Variants in KLHL29 observed in about 807,000 individuals in gnomAD.
KLHL29 encodes the protein kelch like family member 29.
KLHL29 carries 21 observed loss-of-function variants against 80.4 expected under a neutral mutation model. The observed-to-expected ratio is 0.26, with a 90% CI of 0.19 to 0.38. The LOEUF is 0.38. KLHL29 is among the 10% of genes least tolerant of loss of function. The pLI, the probability that KLHL29 is intolerant of heterozygous loss-of-function variation, is 1.00. For synonymous variants in KLHL29, 511 were observed against 526.8 expected (o/e 0.97, Z 0.41); for missense variants, 867 against 1,223.9 (o/e 0.71, Z 4.35).
chr2:23,665,783 G>A (rs538848475), intron 5 of KLHL29, among the ~76,000 whole-genome samples: 24 of 152,090 alleles, frequency 1.6e-4, no homozygotes, highest in Admixed American at 2.6e-4. Context: ...GCTAATAGAC[G>A]GAGAGGCCTC....
At chr2:23,392,877 G>GA (rs1666353682) in intron 1 of KLHL29, among the ~76,000 whole-genome samples, 1 of 152,192 alleles carries the variant, frequency 6.6e-6, no homozygotes, top group Non-Finnish European at 1.5e-5. Context: ...CTAGTAGAAG[G>GA]AATGTGAGCT....
At chr2:23,673,607 C>T (rs2149178338) in intron 5 of KLHL29, among the ~76,000 whole-genome samples, 1 of 149,218 alleles carries the variant, frequency 6.7e-6, no homozygotes, top group East Asian at 2.0e-4. Flanking sequence ...GCATACACAC[C>T]CATACCACCT....
intron 3 of KLHL29, among the ~76,000 whole-genome samples, chr2:23,597,914 C>T (rs913350364): frequency 1.3e-5 from 2 of 152,182 alleles, no homozygotes; most frequent in Admixed American, 1.3e-4. Flanking sequence ...TGGTCCCCCT[C>T]ACTCCTCCAT....
chr2:23,682,580 CTG>C lies in KLHL29; in HGVS notation c.941-1817_941-1816del, dbSNP rs1671117029. 6.6e-6 allele frequency among the ~76,000 whole-genome samples: 1 copy of C among 152,212 alleles called. No homozygotes were observed. Among genetic ancestry groups the C allele is most frequent in the South Asian group, 2.1e-4 (1 of 4,836 alleles). ...ATGAAGCTGGAGCTCCCAGGCAAGACTGTTGCGATCTGGCCCCGCCCACCGCC... is the reference window on the plus strand; with the variant it reads ...ATGAAGCTGGAGCTCCCAGGCAAGACTTGCGATCTGGCCCCGCCCACCGCC... On this transcript the variant is annotated intron_variant, in intron 5 of 13. Coordinates refer to ENST00000486442, the MANE Select transcript of KLHL29 (RefSeq NM_052920.2). The surrounding 1 kb of genome is among the most constrained non-coding windows in gnomAD (Gnocchi z 4.1).
At chr2:23,613,647 C>T (rs942329902) in intron 3 of KLHL29, among the ~76,000 whole-genome samples, 5 of 151,482 alleles carry the variant, frequency 3.3e-5, no homozygotes, top group Admixed American at 6.6e-5. Flanking sequence ...GCCTGTAATC[C>T]CAGCTACTCG....
At position 23,549,500 on chromosome 2, in the gene KLHL29, T is replaced by C. The variant is rs1180710985; in HGVS notation, c.-45-12652T>C. On this transcript the variant is annotated intron_variant, in intron 2 of 13. Coordinates refer to ENST00000486442, the MANE Select transcript of KLHL29 (RefSeq NM_052920.2). ...TTAAATTAAATTAAAAACACGGACA[T>C]AGAATAAAGACGATGAAAATCTGAA... is the stretch of plus-strand genomic sequence containing the variant. Among the ~76,000 whole-genome samples the C allele has an allele frequency of 5.3e-5, 8 of 151,348 alleles. No homozygotes were observed. The East Asian group carries it at 1.6e-3, about 30-fold the overall frequency.
chr2:23,425,452 G>C (rs1243004386), intron 1 of KLHL29, among the ~76,000 whole-genome samples: 1 of 152,232 alleles, frequency 6.6e-6, no homozygotes, highest in Non-Finnish European at 1.5e-5. Flanking sequence ...GGGCCGGCCA[G>C]ACCAGGGTCC....
chr2:23,624,375 T>C lies in KLHL29; in HGVS notation c.286-14764T>C, dbSNP rs117359484. Among the ~76,000 whole-genome samples the C allele has an allele frequency of 8.3e-4, 127 of 152,222 alleles. 1 individual carries two copies. The East Asian group carries it at 0.02, about 24-fold the overall frequency. On this transcript the variant is annotated intron_variant, in intron 3 of 13. Transcript: ENST00000486442. ...CTTCAGCTGCCTTCTTATCAGGGAT[T>C]TTACATCTCTGCCACCCCCCTTCCC... is the stretch of plus-strand genomic sequence containing the variant.
chr2:23,573,657 T>C (rs999843264), intron 3 of KLHL29, among the ~76,000 whole-genome samples: 3 of 152,128 alleles, frequency 2.0e-5, no homozygotes, highest in Non-Finnish European at 4.4e-5. Context: ...GATCAAAAGG[T>C]ACAAGGATCG....
At chr2:23,691,509 T>A (rs959706748) in intron 6 of KLHL29, 165 bp from the exon 7 acceptor site, 1 of 616,860 alleles carries the variant, frequency 1.6e-6, no homozygotes. Flanking sequence ...ACTCTTCTCT[T>A]TCAGATCCCG....
intron 3 of KLHL29, among the ~76,000 whole-genome samples, chr2:23,590,084 A>T (rs1215552339): frequency 6.6e-6 from 1 of 152,238 alleles, no homozygotes; most frequent in Non-Finnish European, 1.5e-5. Flanking sequence ...CTTTACAGAC[A>T]AAAGCAGAGG....
chr2:23,395,807 T>TGATCCGTG (rs1666439929), intron 1 of KLHL29, among the ~76,000 whole-genome samples: 1 of 151,628 alleles, frequency 6.6e-6, no homozygotes, highest in African/African-American at 2.4e-5. Context: ...CTTGGCAGCA[T>TGATCCGTG]GATCCGTGGG....
chr2:23,463,784 T>C (rs950069016), intron 1 of KLHL29, among the ~76,000 whole-genome samples: 12 of 152,242 alleles, frequency 7.9e-5, no homozygotes, highest in African/African-American at 1.9e-4. Flanking sequence ...TTTGGAAATA[T>C]GCACTGCGCT....
intron 2 of KLHL29, among the ~76,000 whole-genome samples, chr2:23,553,719 C>T (rs1667187819): frequency 6.6e-6 from 1 of 152,220 alleles, no homozygotes; most frequent in Admixed American, 6.5e-5. Flanking sequence ...TCTTCTCAGC[C>T]TAGTCCCAGC....
chr2:23,583,085 G>C (rs187289199), intron 3 of KLHL29, among the ~76,000 whole-genome samples: 4 of 152,304 alleles, frequency 2.6e-5, no homozygotes, highest in African/African-American at 9.6e-5. Context: ...ACCAGAACTG[G>C]AAGAGGCAAA....
chr2:23,648,005 T>C (rs552860181), intron 5 of KLHL29, among the ~76,000 whole-genome samples: 2 of 152,110 alleles, frequency 1.3e-5, no homozygotes, highest in East Asian at 3.9e-4. Flanking sequence ...CCACCAGGGT[T>C]CTGTGACTTC....
At chr2:23,454,843 C>G (rs1663998534) in intron 1 of KLHL29, among the ~76,000 whole-genome samples, 1 of 151,888 alleles carries the variant, frequency 6.6e-6, no homozygotes, top group African/African-American at 2.4e-5. Flanking sequence ...CTCCTGCCCA[C>G]CAGACACTAT....
chr2:23,637,709 C>T (rs1389859595), intron 3 of KLHL29, among the ~76,000 whole-genome samples: 1 of 152,156 alleles, frequency 6.6e-6, no homozygotes, highest in Admixed American at 6.5e-5. Flanking sequence ...TCCACACCCC[C>T]TTTCTGTCCC....
At chr2:23,584,173 G>T (rs997815581) in intron 3 of KLHL29, among the ~76,000 whole-genome samples, 2 of 152,214 alleles carry the variant, frequency 1.3e-5, no homozygotes, top group Non-Finnish European at 2.9e-5. Context: ...CGGCCTCCCA[G>T]GTCTGTGCCG....
Sources: gnomAD v4.1 joint callset for allele counts (sites outside exome capture counted in the v4.1 genomes callset) on GRCh38, gnomAD v4.1.1 for gene constraint, Gnocchi (gnomAD v3.1) non-coding constraint, MANE v1.5 for transcripts, NCBI Gene and HGNC (gene_info 2026-07-23, HGNC 2026-07-21) for gene names.